EPHB4: variants seen among roughly 807,000 people sequenced by gnomAD.
The protein encoded by EPHB4 is EPH receptor B4.
A neutral mutation model predicts 110.6 loss-of-function variants in EPHB4; 50 were observed. That is an observed-to-expected ratio of 0.45 (90% CI 0.36 to 0.57). The LOEUF is 0.57. Among genes scored for constraint, EPHB4 ranks in the 20% least tolerant of loss-of-function variants. The probability of loss-of-function intolerance (pLI) is 0.00; values close to 1 mark genes in which losing one functional copy is unlikely to be tolerated. For synonymous variants in EPHB4, 592 were observed against 578.4 expected (o/e 1.02, Z -0.34); for missense variants, 1,128 against 1,382.1 (o/e 0.82, Z 2.91).
chr7:100,813,025 C>T, intron 11 of EPHB4, 31 bp from the exon 12 acceptor site: 1 of 1,612,420 alleles, frequency 6.2e-7, no homozygotes, highest in Non-Finnish European at 8.5e-7. Context: ...GTCATCAGCT[C>T]TCCCGCTCCA....
At chr7:100,806,310 C>G in intron 14 of EPHB4, 110 bp downstream of exon 14, 1 of 1,324,238 alleles carries the variant, frequency 7.6e-7, no homozygotes, top group South Asian at 1.5e-5. Context: ...TTGTCATCTC[C>G]ATGGTCTCAA....
Position 100,818,541 on chromosome 7 carries a change from G to A in EPHB4, c.1401C>T (p.Tyr467=), listed in dbSNP as rs1813137664. 4.3e-6 allele frequency: 7 copies of A among 1,613,930 alleles called. No homozygotes were observed. Among genetic ancestry groups the A allele is most frequent in the South Asian group, 3.3e-5 (3 of 91,086 alleles). The change falls in exon 7 of 17, where the codon TAC becomes TAT. Residue 467 remains tyrosine, a synonymous_variant. Coordinates refer to ENST00000358173, the MANE Select transcript of EPHB4 (RefSeq NM_004444.5). ...PRAPSGAVLD[Y]EVKYHEKGAE... ...TTACCTTCTCATGGTATTTGACCTCGTAGTCCAGCACAGCCCCACTGGGTG... is the reference window on the plus strand; with the variant it reads ...TTACCTTCTCATGGTATTTGACCTCATAGTCCAGCACAGCCCCACTGGGTG...
chr7:100,817,391 C>T lies in EPHB4; in HGVS notation c.1423-34G>A, dbSNP rs200180829. 3.9e-3 allele frequency: 5,864 copies of T among 1,513,852 alleles called. 15 individuals are homozygous for T. The highest frequency in any genetic ancestry group is 4.9e-3 in the Non-Finnish European group (5,554 of 1,136,256). 93.8% of individuals were successfully genotyped at this position (1,513,852 alleles called of 1,614,324 possible). On this transcript the variant is annotated intron_variant, in intron 7 of 16. Coordinates refer to ENST00000358173, the MANE Select transcript of EPHB4 (RefSeq NM_004444.5). ...GAGAGGTAGTGGGGTGGCCGTCACC[C>T]GGGAACCCAAGTTCCTGTTGCTCTT...
chr7:100,803,911 G>C (rs919068476), intron 16 of EPHB4, among the ~76,000 whole-genome samples: 1 of 152,158 alleles, frequency 6.6e-6, no homozygotes, highest in African/African-American at 2.4e-5. Flanking sequence ...AGAGGGAAAT[G>C]GAGTGTGAGA....
At chr7:100,813,460 T>G (rs926323942) in intron 10 of EPHB4, 192 bp downstream of exon 10, 2 of 700,940 alleles carry the variant, frequency 2.9e-6, no homozygotes, top group South Asian at 1.8e-5. Flanking sequence ...GGATTACAGG[T>G]GCCCACCACC....
intron 4 of EPHB4, among the ~76,000 whole-genome samples, chr7:100,821,887 G>A (rs181138429): frequency 1.3e-5 from 2 of 151,990 alleles, no homozygotes; most frequent in East Asian, 3.9e-4. Flanking sequence ...CCAGCTGGGT[G>A]TGGTGACGCA....
intron 7 of EPHB4, among the ~76,000 whole-genome samples, chr7:100,818,150 A>G (rs1275113546): frequency 6.6e-6 from 1 of 151,894 alleles, no homozygotes; most frequent in East Asian, 1.9e-4. Flanking sequence ...TACAGGCGTA[A>G]GCTACCGCGC....
At position 100,803,590 on chromosome 7, in the gene EPHB4, C is replaced by T; in HGVS notation, c.2835G>A (p.Glu945=). The change falls in exon 17 of 17, where the codon GAG becomes GAA. Residue 945 remains glutamate, a splice_region_variant and synonymous_variant. Coordinates refer to ENST00000358173, the MANE Select transcript of EPHB4 (RefSeq NM_004444.5). ...SFELVSQISA[E]DLLRIGVTLA... ...GAGTGACTCCGATTCGGAGCAGGTC[C>T]CTGCAGAAGGAAAGGAGAGCTTGGT... 4 of 1,600,258 alleles carry T rather than the reference C, an allele frequency of 2.5e-6. No individual in the cohort carries two copies. Among genetic ancestry groups the T allele is most frequent in the Non-Finnish European group, 3.4e-6 (4 of 1,170,732 alleles).
rs1184221352 is a variant in EPHB4, at chr7:100,805,367, C to G, written c.2679-46G>C. 8 of 1,609,342 alleles carry G rather than the reference C, an allele frequency of 5.0e-6. No homozygotes were observed. In the South Asian group the frequency reaches 7.7e-5, roughly 15 times the overall value. On this transcript the variant is annotated intron_variant, in intron 15 of 16. Transcript: ENST00000358173. Reference sequence around the variant, plus strand: ...GGAATGCTGAGTACCAGGCCCAGGTCCGGGGGAGGAGGTGGAACCCAGCCT... The same window carrying G: ...GGAATGCTGAGTACCAGGCCCAGGTGCGGGGGAGGAGGTGGAACCCAGCCT...
intron 14 of EPHB4, 155 bp from the exon 15 acceptor site, chr7:100,805,849 T>C: frequency 1.5e-6 from 1 of 684,658 alleles, no homozygotes; most frequent in Non-Finnish European, 2.1e-6. Context: ...GAGTTGAAGC[T>C]CTCTGTGGCT....
At chr7:100,809,831 C>T (rs573447280) in intron 12 of EPHB4, among the ~76,000 whole-genome samples, 1 of 152,310 alleles carries the variant, frequency 6.6e-6, no homozygotes, top group South Asian at 2.1e-4. Flanking sequence ...TCTGTCTCTT[C>T]GACCAGGCAC....
intron 10 of EPHB4, 97 bp from the exon 11 acceptor site, chr7:100,813,305 G>GTTTTT: frequency 1.6e-6 from 1 of 614,780 alleles, no homozygotes; most frequent in Non-Finnish European, 2.5e-6. Flanking sequence ...CTGTCTCCGT[G>GTTTTT]GTTTTTTTTT....
intron 1 of EPHB4, chr7:100,824,952 G>C (rs1011933573): frequency 2.6e-5 from 4 of 152,282 alleles, no homozygotes; most frequent in African/African-American, 9.7e-5. Flanking sequence ...GGGGCGGTAT[G>C]AATGGGAGGG....
At chr7:100,807,693 G>A in intron 12 of EPHB4, 113 bp from the exon 13 acceptor site, 1 of 1,078,422 alleles carries the variant, frequency 9.3e-7, no homozygotes, top group Non-Finnish European at 1.3e-6. Flanking sequence ...CCAGGCTGGA[G>A]TGCAGTGGTG....
chr7:100,804,602 A>G (rs1413284308), intron 16 of EPHB4, among the ~76,000 whole-genome samples: 1 of 152,188 alleles, frequency 6.6e-6, no homozygotes, highest in Non-Finnish European at 1.5e-5. Context: ...GGCATGAGCC[A>G]CCATGCCCGG....
rs1195453384 is a variant in EPHB4 at position 100,819,686 on chromosome 7, A to G, written c.1168T>C (p.Trp390Arg). Residue 390 changes from tryptophan to arginine, a missense_variant, in exon 6 of 17, where the codon TGG becomes CGG. By Grantham distance (101) the Trp-to-Arg change is moderately radical (BLOSUM62 -3). Around this residue, in one of 3 missense-constraint regions of EPHB4, gnomAD observed 728 missense variants for 828.6 expected, o/e 0.88. Coordinates refer to ENST00000358173, the MANE Select transcript of EPHB4 (RefSeq NM_004444.5). ...GGACGTAGCCCTCGAACCACCACCC[A>G]GGGCTCCACCAGGTCCCGGGGGCCG... ...DPGPRDLVEP[W>R]VVVRGLRPDF... The G allele has an allele frequency of 6.2e-7, 1 of 1,613,780 alleles. No individual in the cohort carries two copies. Among genetic ancestry groups the G allele is most frequent in the Non-Finnish European group, 8.5e-7 (1 of 1,179,978 alleles).
In EPHB4 at chr7:100,819,774, G is replaced by T; in HGVS notation, c.1080C>A (p.Arg360=). 1 of 1,590,094 alleles carries T rather than the reference G, an allele frequency of 6.3e-7. No homozygotes were observed. Among genetic ancestry groups the T allele is most frequent in the East Asian group, 2.3e-5 (1 of 43,366 alleles). Residue 360 remains arginine (R), a synonymous_variant, in exon 6 of 17, where the codon CGC becomes CGA. Coordinates refer to ENST00000358173, the MANE Select transcript of EPHB4 (RefSeq NM_004444.5). ...GGREDLTYAL[R]CRECRPGGSC... ...AGCCTCCGGGTCGGCACTCCCGGCA[G>T]CGGAGGGCGTAGGTGAGGTCCTCTC...
rs747850963 is a variant in EPHB4, at chr7:100,805,277, G to A, written c.2723C>T (p.Ala908Val). ...LLDQRQPHYS[A>V]FGSVGEWLRA... Reference sequence around the variant, plus strand: ...AAGCCACTCGCCCACAGAGCCAAAAGCTGAGTAGTGAGGCTGCCGCTGGTC... The same window carrying A: ...AAGCCACTCGCCCACAGAGCCAAAAACTGAGTAGTGAGGCTGCCGCTGGTC... The change falls in exon 16 of 17, where the codon GCT becomes GTT. Residue 908 changes from alanine (A) to valine (V), a missense_variant. Physicochemically the swap from Ala to Val is moderately conservative, Grantham distance 64. Transcript: ENST00000358173. 3.1e-6 allele frequency: 5 copies of A among 1,613,842 alleles called. No homozygotes were observed. The highest frequency in any genetic ancestry group is 4.2e-6 in the Non-Finnish European group (5 of 1,179,900).
intron 6 of EPHB4, 83 bp from the exon 7 acceptor site, chr7:100,818,727 G>C: frequency 6.8e-7 from 1 of 1,470,552 alleles, no homozygotes; most frequent in Non-Finnish European, 9.0e-7. Context: ...TTTCGAGACG[G>C]AGTCGTGCTC....
Sources: allele counts gnomAD v4.1 joint callset (sites outside exome capture counted in the v4.1 genomes callset), GRCh38; gene constraint gnomAD v4.1.1; regional missense constraint gnomAD v4.1.1; transcripts MANE v1.5; gene names NCBI Gene and HGNC (gene_info 2026-07-23, HGNC 2026-07-21).